Variants in SKAP2 observed in about 807,000 individuals in gnomAD.
The protein encoded by SKAP2 is src kinase-associated phosphoprotein 2.
Under a neutral mutation model 54.9 loss-of-function variants are expected in SKAP2, and 28 were observed. That is an observed-to-expected ratio of 0.51 (90% CI 0.38 to 0.70). SKAP2 has a LOEUF of 0.70. SKAP2 is among the 30% of genes least tolerant of loss of function. SKAP2 has a pLI of 0.00. For synonymous variants in SKAP2, 137 were observed against 134.3 expected (o/e 1.02, Z -0.14); for missense variants, 356 against 424.1 (o/e 0.84, Z 1.41).
Position 26,670,127 on chromosome 7 carries a change from G to T in SKAP2, c.1053C>A (p.Ala351=). The change falls in exon 12 of 13, where the codon GCC becomes GCA. Residue 351 remains alanine (A), a synonymous_variant. Coordinates refer to ENST00000345317, the MANE Select transcript of SKAP2 (RefSeq NM_003930.5). ...AAATATCATACATCTCCATTATGTAGGCTTTAGGCACCAAGCCAATGGCTC... is the reference window on the plus strand; with the variant it reads ...AAATATCATACATCTCCATTATGTATGCTTTAGGCACCAAGCCAATGGCTC... The part of the protein sequence containing the change: ...MKGAIGLVPK[A]YIMEMYDI 1 of 1,554,282 alleles carries T rather than the reference G, an allele frequency of 6.4e-7. No homozygotes were observed. Among genetic ancestry groups the T allele is most frequent in the Non-Finnish European group, 8.9e-7 (1 of 1,125,846 alleles).
chr7:26,794,181 T>G (rs58394492), intron 4 of SKAP2, among the ~76,000 whole-genome samples: 7 of 152,222 alleles, frequency 4.6e-5, no homozygotes, highest in Non-Finnish European at 1.0e-4. Flanking sequence ...GTTAGTAACA[T>G]TCGAATTTTC....
chr7:26,763,037 GC>G (rs1318732073), intron 4 of SKAP2, among the ~76,000 whole-genome samples: 1 of 152,106 alleles, frequency 6.6e-6, no homozygotes, highest in Non-Finnish European at 1.5e-5. Flanking sequence ...ACAGCATTGT[GC>G]ATCTCACTGA....
intron 4 of SKAP2, among the ~76,000 whole-genome samples, chr7:26,841,553 A>C (rs1784816276): frequency 6.6e-6 from 1 of 152,092 alleles, no homozygotes; most frequent in Non-Finnish European, 1.5e-5. Context: ...GATATAACTT[A>C]TGCTGCTTTC....
At chr7:26,775,561 GTGTGTGTGT>G (rs1401590015) in intron 4 of SKAP2, among the ~76,000 whole-genome samples, 1 of 138,234 alleles carries the variant, frequency 7.2e-6, no homozygotes, top group Non-Finnish European at 1.6e-5. Flanking sequence ...GTGTGTGTGT[GTGTGTGTGT>G]TTTCTATGGA....
chr7:26,794,842 A>C (rs570804229), intron 4 of SKAP2, among the ~76,000 whole-genome samples: 7 of 152,130 alleles, frequency 4.6e-5, no homozygotes, highest in Non-Finnish European at 1.0e-4. Flanking sequence ...CCAGCCCACC[A>C]CCACTGGACT....
At chr7:26,754,873 T>C (rs989165142) in intron 4 of SKAP2, among the ~76,000 whole-genome samples, 4 of 152,180 alleles carry the variant, frequency 2.6e-5, no homozygotes, top group Non-Finnish European at 4.4e-5. Flanking sequence ...CTCATAAATA[T>C]GTGAAATATA....
chr7:26,670,521 G>C (rs1258685610), intron 11 of SKAP2, among the ~76,000 whole-genome samples: 1 of 152,014 alleles, frequency 6.6e-6, no homozygotes, highest in Non-Finnish European at 1.5e-5. Context: ...TACCTTTCAT[G>C]TGTAAGAGGC....
At chr7:26,685,466 T>G (rs1786615766) in intron 10 of SKAP2, among the ~76,000 whole-genome samples, 1 of 152,188 alleles carries the variant, frequency 6.6e-6, no homozygotes, top group Non-Finnish European at 1.5e-5. Flanking sequence ...AAGTTATCTT[T>G]GAAAATTTTT....
At chr7:26,657,879 GTGT>G in the SKAP2 span, among the ~76,000 whole-genome samples, 1 of 151,912 alleles carries the variant, frequency 6.6e-6, no homozygotes, top group Admixed American at 6.6e-5. Context: ...TCATGATTTG[GTGT>G]TGTTTTTGTT....
At chr7:26,716,359 A>AC (rs1554295728) in intron 9 of SKAP2, among the ~76,000 whole-genome samples, 2 of 152,010 alleles carry the variant, frequency 1.3e-5, no homozygotes, top group African/African-American at 2.4e-5. Context: ...ATGTAGTGTC[A>AC]TCTGTAGTCC....
chr7:26,764,140 AGGT>A (rs1303016933), intron 4 of SKAP2, among the ~76,000 whole-genome samples: 1 of 152,218 alleles, frequency 6.6e-6, no homozygotes, highest in Non-Finnish European at 1.5e-5. Flanking sequence ...CAAGAGAAAT[AGGT>A]GATTCTTTCC....
At chr7:26,790,274 GT>G (rs1261724999) in intron 4 of SKAP2, among the ~76,000 whole-genome samples, 1 of 152,152 alleles carries the variant, frequency 6.6e-6, no homozygotes, top group African/African-American at 2.4e-5. Flanking sequence ...CTCCATAAAA[GT>G]TTGCTGACCT....
rs1430470432 is a variant in SKAP2 at position 26,766,466 on chromosome 7, T to C, written c.308-26502A>G. On this transcript the variant is annotated intron_variant, in intron 4 of 12. Transcript: ENST00000345317. ...TTCCTATTTGAATACCCTTTATTTCTTTCTCTTGCCTGACTGCCCTAGCCA... is the reference window on the plus strand; with the variant it reads ...TTCCTATTTGAATACCCTTTATTTCCTTCTCTTGCCTGACTGCCCTAGCCA... Among the ~76,000 whole-genome samples, 6 of 152,328 alleles carry C rather than the reference T, an allele frequency of 3.9e-5. No homozygotes were observed. The East Asian group carries it at 9.6e-4, about 24-fold the overall frequency.
At chr7:26,671,016 G>C (rs1786223420) in intron 11 of SKAP2, among the ~76,000 whole-genome samples, 1 of 151,820 alleles carries the variant, frequency 6.6e-6, no homozygotes, top group Non-Finnish European at 1.5e-5. Flanking sequence ...TGCAACTTGA[G>C]ATAAACAAAC....
At chr7:26,796,298 C>T (rs1783778015) in intron 4 of SKAP2, among the ~76,000 whole-genome samples, 1 of 151,468 alleles carries the variant, frequency 6.6e-6, no homozygotes, top group Admixed American at 6.6e-5. Flanking sequence ...TTGGGGTGAG[C>T]TTGAGTGTTA....
chr7:26,743,136 T>G (rs748789249), intron 4 of SKAP2, among the ~76,000 whole-genome samples: 4 of 152,176 alleles, frequency 2.6e-5, no homozygotes, highest in Non-Finnish European at 4.4e-5. Context: ...GAACAGTCAA[T>G]TATACAACAT....
At chr7:26,832,152 G>A (rs1009150105) in intron 4 of SKAP2, among the ~76,000 whole-genome samples, 1 of 152,092 alleles carries the variant, frequency 6.6e-6, no homozygotes, top group South Asian at 2.1e-4. Flanking sequence ...GAGTATTTAT[G>A]GTCAATGCCA....
Position 26,693,441 on chromosome 7 carries a change from TGACA to T in SKAP2, c.797-3083_797-3080del, listed in dbSNP as rs563120136. On this transcript the variant is annotated intron_variant, in intron 9 of 12. Transcript: ENST00000345317. The stretch of plus-strand genomic sequence containing the variant: ...GACTTAATGAAAAAACTCTGCTCTT[TGACA>T]AAGTTAACAATGAATTTAGAAGTAT... Among the ~76,000 whole-genome samples the T allele has an allele frequency of 2.8e-4, 43 of 152,176 alleles. 1 individual carries two copies. The South Asian group carries it at 8.7e-3, about 31-fold the overall frequency.
chr7:26,693,051 G>T (rs1434085306), intron 9 of SKAP2, among the ~76,000 whole-genome samples: 2 of 151,996 alleles, frequency 1.3e-5, no homozygotes, highest in Non-Finnish European at 2.9e-5. Flanking sequence ...GACTGTGGGG[G>T]CTGGGCATGG....
Sources: allele counts gnomAD v4.1 joint callset (sites outside exome capture counted in the v4.1 genomes callset), GRCh38; gene constraint gnomAD v4.1.1; transcripts MANE v1.5; gene names NCBI Gene and HGNC (gene_info 2026-07-23, HGNC 2026-07-21).